RSPRY1: variants seen among roughly 807,000 people sequenced by gnomAD.
RSPRY1 encodes the protein RING finger and SPRY domain-containing protein 1.
Under a neutral mutation model 73.1 loss-of-function variants are expected in RSPRY1, and 23 were observed. That is an observed-to-expected ratio of 0.31 (90% CI 0.23 to 0.45). RSPRY1 has a LOEUF of 0.45. Ranked by LOEUF, RSPRY1 falls within the 20% of genes least tolerant of loss-of-function variation. RSPRY1 has a pLI of 1.00. For missense variants in RSPRY1, 448 were observed against 698.7 expected, an observed-to-expected ratio of 0.64 and a Z score of 4.05; for synonymous variants, 226 against 251.4, an observed-to-expected ratio of 0.90 and a Z score of 0.95.
intron 2 of RSPRY1, among the ~76,000 whole-genome samples, chr16:57,206,045 C>T (rs1463123836): frequency 4.6e-5 from 7 of 152,078 alleles, no homozygotes; most frequent in South Asian, 2.1e-4. Flanking sequence ...TGAATACAAA[C>T]GAATTTTTAG....
rs902349130 is a variant in RSPRY1, at chr16:57,231,153, C to T, written c.1377-14C>T. The T allele has an allele frequency of 1.9e-6, 3 of 1,610,988 alleles. No individual in the cohort carries two copies. Among genetic ancestry groups the T allele is most frequent in the East Asian group, 2.2e-5 (1 of 44,842 alleles). On this transcript the variant is annotated splice_polypyrimidine_tract_variant and intron_variant, in intron 12 of 14. Coordinates refer to ENST00000394420, the MANE Select transcript of RSPRY1 (RefSeq NM_133368.3). The stretch of plus-strand genomic sequence containing the variant: ...TATTAATTCTATTGGCCTCTGTACT[C>T]ATTTTATTTGTAGATCTGGATTTTT...
Position 57,204,906 on chromosome 16 carries a change from C to T in RSPRY1, c.248C>T (p.Pro83Leu). ...AGCCAACCACGGGACCCTGTTCGGC[C>T]ACCAAGGAGGGGCCGAGGACCTCAT... ...TRSQPRDPVR[P>L]PRRGRGPHEP... Residue 83 changes from proline (P) to leucine (L), a missense_variant, in exon 2 of 15, where the codon CCA becomes CTA. Coordinates refer to ENST00000394420, the MANE Select transcript of RSPRY1 (RefSeq NM_133368.3). 1 of 1,614,152 alleles carries T rather than the reference C, an allele frequency of 6.2e-7. No individual in the cohort carries two copies. The highest frequency in any genetic ancestry group is 8.5e-7 in the Non-Finnish European group (1 of 1,180,026).
intron 8 of RSPRY1, 74 bp from the exon 9 acceptor site, chr16:57,220,658 C>A: frequency 2.3e-6 from 2 of 858,538 alleles, no homozygotes; most frequent in Admixed American, 3.7e-5. Flanking sequence ...TGTCTGATTG[C>A]TGTAGCTGGC....
intron 8 of RSPRY1, 58 bp downstream of exon 8, chr16:57,217,093 T>C: frequency 6.3e-6 from 10 of 1,591,348 alleles, no homozygotes; most frequent in Non-Finnish European, 8.6e-6. Flanking sequence ...CTCATTTCTT[T>C]CATAGGCTCA....
At position 57,204,603 on chromosome 16, in the gene RSPRY1, A is replaced by G; in HGVS notation, c.-56A>G. 1 of 1,515,926 alleles carries G rather than the reference A, an allele frequency of 6.6e-7. No homozygotes were observed. The highest frequency in any genetic ancestry group is 9.0e-7 in the Non-Finnish European group (1 of 1,107,090). 93.9% of individuals were successfully genotyped at this position (1,515,926 alleles called of 1,614,324 possible). A position where few individuals can be genotyped will look rare whatever the true frequency, so the allele number is the denominator to read the frequency against. On this transcript the variant is annotated 5_prime_UTR_variant, in exon 2 of 15. Coordinates refer to ENST00000394420, the MANE Select transcript of RSPRY1 (RefSeq NM_133368.3). ...CAGTTGTTAAAAACAAATAGGATGCAAATTCCTCAACTCCAGGTTATGAAA... is the reference window on the plus strand; with the variant it reads ...CAGTTGTTAAAAACAAATAGGATGCGAATTCCTCAACTCCAGGTTATGAAA...
intron 4 of RSPRY1, among the ~76,000 whole-genome samples, chr16:57,210,430 C>T (rs974385947): frequency 2.0e-5 from 3 of 152,054 alleles, no homozygotes; most frequent in Non-Finnish European, 4.4e-5. Flanking sequence ...AGGCTGGGCG[C>T]GGTGGTTCAC....
chr16:57,216,232 T>A, intron 7 of RSPRY1, 59 bp downstream of exon 7: 1 of 1,274,898 alleles, frequency 7.8e-7, no homozygotes, highest in Admixed American at 1.8e-5. Context: ...AAAATTTTAT[T>A]TTTCTTAGTT....
chr16:57,215,265 C>G (rs1261902201), intron 6 of RSPRY1, among the ~76,000 whole-genome samples: 1 of 152,186 alleles, frequency 6.6e-6, no homozygotes, highest in Non-Finnish European at 1.5e-5. Context: ...AGATAGGACA[C>G]AGACTGAGTA....
chr16:57,188,250 T>C (rs1229970303), intron 1 of RSPRY1, among the ~76,000 whole-genome samples: 1 of 152,216 alleles, frequency 6.6e-6, no homozygotes, highest in African/African-American at 2.4e-5. Flanking sequence ...CTCTATGAGA[T>C]TGTAAGAGAC....
chr16:57,193,178 G>A (rs577111777), intron 1 of RSPRY1, among the ~76,000 whole-genome samples: 24 of 152,246 alleles, frequency 1.6e-4, no homozygotes, highest in Non-Finnish European at 2.6e-4. Context: ...CTAAACCTAC[G>A]GTTAGATAGC....
intron 13 of RSPRY1, among the ~76,000 whole-genome samples, chr16:57,233,785 G>T (rs2075262192): frequency 6.6e-6 from 1 of 152,076 alleles, no homozygotes; most frequent in African/African-American, 2.4e-5. Flanking sequence ...AATCCAGTAG[G>T]CTGTGCCTTC....
At chr16:57,204,125 C>A (rs1368775038) in intron 1 of RSPRY1, among the ~76,000 whole-genome samples, 1 of 151,734 alleles carries the variant, frequency 6.6e-6, no homozygotes, top group Non-Finnish European at 1.5e-5. Context: ...CTTTTTAACA[C>A]CTACCTCTTA....
At chr16:57,200,611 G>A (rs1348166369) in intron 1 of RSPRY1, among the ~76,000 whole-genome samples, 16 of 143,046 alleles carry the variant, frequency 1.1e-4, no homozygotes, top group Admixed American at 3.4e-4. Flanking sequence ...AGGGGCGGCC[G>A]GGCAGAGGCG....
At chr16:57,190,185 T>C (rs1438174972) in intron 1 of RSPRY1, among the ~76,000 whole-genome samples, 1 of 151,850 alleles carries the variant, frequency 6.6e-6, no homozygotes, top group Non-Finnish European at 1.5e-5. Context: ...CTGGGCAACA[T>C]GGCAAAACCC....
intron 14 of RSPRY1, 46 bp downstream of exon 14, chr16:57,235,274 G>A: frequency 7.3e-7 from 1 of 1,361,072 alleles, no homozygotes; most frequent in Non-Finnish European, 1.1e-6. Flanking sequence ...TTCTTAAATT[G>A]CTAGTTCCAT....
chr16:57,216,713 C>T (rs553251608), intron 7 of RSPRY1, among the ~76,000 whole-genome samples, 191 bp from the exon 8 acceptor site: 103 of 152,154 alleles, frequency 6.8e-4, no homozygotes, highest in African/African-American at 2.5e-3. Flanking sequence ...GAGTGAGACC[C>T]TGTGACTAAA....
rs1162737560 is a variant in RSPRY1 at position 57,229,690 on chromosome 16, C to CTTTTTT, written c.1274-993_1274-988dup. On this transcript the variant is annotated intron_variant, in intron 11 of 14. Transcript: ENST00000394420. ...TTTATCTGATAAGTGAAGATAAATG[C>CTTTTTT]TTTTTTTTTTTTTTTTTTTTTTTTT... 5.7e-4 allele frequency among the ~76,000 whole-genome samples: 24 copies of CTTTTTT among 42,140 alleles called. 4 individuals are homozygous for CTTTTTT. The highest frequency in any genetic ancestry group is 9.4e-4 in the East Asian group (1 of 1,060). 27.6% of individuals were successfully genotyped at this position (42,140 alleles called of 152,430 possible).
At chr16:57,190,704 A>G (rs2074338092) in intron 1 of RSPRY1, among the ~76,000 whole-genome samples, 1 of 152,192 alleles carries the variant, frequency 6.6e-6, no homozygotes, top group Non-Finnish European at 1.5e-5. Flanking sequence ...TAGAAGTGCA[A>G]AGGAGTGAAT....
intron 6 of RSPRY1, among the ~76,000 whole-genome samples, chr16:57,215,001 C>T (rs1221595804): frequency 6.6e-6 from 1 of 151,700 alleles, no homozygotes; most frequent in African/African-American, 2.4e-5. Flanking sequence ...GCCCTCCAGC[C>T]TGGGCGACAG....
Sources: gnomAD v4.1 joint callset for allele counts (sites outside exome capture counted in the v4.1 genomes callset) on GRCh38, gnomAD v4.1.1 for gene constraint, MANE v1.5 for transcripts, NCBI Gene and HGNC (gene_info 2026-07-23, HGNC 2026-07-21) for gene names.